USP32: variants seen among roughly 807,000 people sequenced by gnomAD.
The protein encoded by USP32 is ubiquitin carboxyl-terminal hydrolase 32.
Under a neutral mutation model 204.8 loss-of-function variants are expected in USP32, and 59 were observed. The observed-to-expected ratio is 0.29, with a 90% confidence interval of 0.23 to 0.36. The LOEUF (loss-of-function observed/expected upper bound fraction) is 0.36. Ranked by LOEUF, USP32 falls within the 10% of genes least tolerant of loss-of-function variation. The pLI is 1.00. For missense variants in USP32, 1,160 were observed against 1,946.4 expected, an observed-to-expected ratio of 0.60 and a Z score of 7.60; for synonymous variants, 517 against 678.4, an observed-to-expected ratio of 0.76 and a Z score of 3.70.
At chr17:60,409,382 G>A (rs2090002096) in intron 1 of USP32, among the ~76,000 whole-genome samples, 1 of 152,146 alleles carries the variant, frequency 6.6e-6, no homozygotes, top group African/African-American at 2.4e-5. Context: ...AAAAACTAGT[G>A]CCACAGTATT....
intron 29 of USP32, among the ~76,000 whole-genome samples, chr17:60,188,807 T>C (rs2084308803): frequency 6.6e-6 from 1 of 152,240 alleles, no homozygotes; most frequent in Non-Finnish European, 1.5e-5. Context: ...GGTATCTCTT[T>C]TGTCTACATG....
intron 18 of USP32, 61 bp from the exon 19 acceptor site, chr17:60,212,159 G>GC: frequency 7.3e-7 from 1 of 1,373,938 alleles, no homozygotes; most frequent in Non-Finnish European, 1.0e-6. Flanking sequence ...CCATTCGATT[G>GC]CTTTTTTTTT....
intron 2 of USP32, among the ~76,000 whole-genome samples, chr17:60,343,195 T>C (rs1373719353): frequency 6.6e-6 from 1 of 152,012 alleles, no homozygotes; most frequent in East Asian, 1.9e-4. Flanking sequence ...TCCCACACAA[T>C]AATAATGGGA....
chr17:60,381,068 C>A (rs1219834042), intron 1 of USP32, among the ~76,000 whole-genome samples: 1 of 152,176 alleles, frequency 6.6e-6, no homozygotes, highest in Non-Finnish European at 1.5e-5. Context: ...CAGATTACTG[C>A]TGCTAGTTGT....
At chr17:60,294,091 A>G (rs577787793) in intron 4 of USP32, among the ~76,000 whole-genome samples, 18 of 152,312 alleles carry the variant, frequency 1.2e-4, no homozygotes, top group Non-Finnish European at 2.4e-4. Flanking sequence ...CCTCTGGTAG[A>G]GTCGGGGTCT....
intron 11 of USP32, among the ~76,000 whole-genome samples, chr17:60,244,316 C>T (rs1192464537): frequency 1.3e-5 from 2 of 151,922 alleles, no homozygotes; most frequent in East Asian, 1.9e-4. Flanking sequence ...CCGTGCCCAG[C>T]CAAGTAGCTA....
intron 11 of USP32, among the ~76,000 whole-genome samples, chr17:60,246,653 C>G (rs2086034948): frequency 6.6e-6 from 1 of 152,136 alleles, no homozygotes; most frequent in Non-Finnish European, 1.5e-5. Context: ...AATTTACATT[C>G]CCATCAATAG....
chr17:60,264,004 A>C (rs2086521678), intron 9 of USP32, among the ~76,000 whole-genome samples: 1 of 152,196 alleles, frequency 6.6e-6, no homozygotes, highest in African/African-American at 2.4e-5. Context: ...AATGTGTCTC[A>C]TACAGGTAAT....
intron 1 of USP32, among the ~76,000 whole-genome samples, chr17:60,386,098 A>G (rs1031078230): frequency 1.2e-4 from 18 of 152,120 alleles, no homozygotes; most frequent in African/African-American, 4.1e-4. Flanking sequence ...AGTTTTTACC[A>G]GGCTTTTGTG....
At chr17:60,394,800 G>A (rs1490184406), upstream of USP32, among the ~76,000 whole-genome samples, 1 of 152,094 alleles carries the variant, frequency 6.6e-6, no homozygotes, top group East Asian at 1.9e-4. Context: ...CTGGAATGCA[G>A]TGGCGCAATC....
At chr17:60,422,005 C>CCACCCAGTACCCAG (rs1358814542) in intron 1 of USP32, 36 of 918,576 alleles carry the variant, frequency 3.9e-5, no homozygotes, top group Non-Finnish European at 4.6e-5. Flanking sequence ...CACACACATC[C>CCACCCAGTACCCAG]CACCCAGTAC....
intron 5 of USP32, among the ~76,000 whole-genome samples, chr17:60,287,217 G>A (rs530939194): frequency 2.0e-5 from 3 of 152,238 alleles, no homozygotes; most frequent in South Asian, 2.1e-4. Flanking sequence ...GCCAGTTAAC[G>A]TTCTTTTCTG....
At position 60,198,295 on chromosome 17, in the gene USP32, G is replaced by T; in HGVS notation, c.3399C>A (p.Leu1133=). The part of the protein sequence containing the change: ...WIQVSRLASP[L]PPQEASNHAQ... ...CATGATTACTAGCTTCCTGAGGTGG[G>T]AGTGGGCTCGCTAACCGGGATACTT... The change falls in exon 27 of 34, where the codon CTC becomes CTA. Residue 1133 remains leucine (L), a synonymous_variant. Transcript: ENST00000300896. 1 of 1,614,184 alleles carries T rather than the reference G, an allele frequency of 6.2e-7. No homozygotes were observed. The highest frequency in any genetic ancestry group is 1.1e-5 in the South Asian group (1 of 91,078).
At chr17:60,419,340 A>G (rs1056898447) in intron 1 of USP32, among the ~76,000 whole-genome samples, 2 of 152,200 alleles carry the variant, frequency 1.3e-5, no homozygotes, top group African/African-American at 4.8e-5. Context: ...GTAGAGGGGA[A>G]CAACACACAC....
intron 1 of USP32, among the ~76,000 whole-genome samples, chr17:60,391,252 G>C (rs1360118392): frequency 1.3e-5 from 2 of 152,216 alleles, no homozygotes; most frequent in African/African-American, 4.8e-5. Flanking sequence ...GCCAACGCCA[G>C]CTGTCCAGTC....
At chr17:60,291,614 GA>G (rs1190728557) in intron 4 of USP32, among the ~76,000 whole-genome samples, 1 of 151,808 alleles carries the variant, frequency 6.6e-6, no homozygotes, top group Non-Finnish European at 1.5e-5. Flanking sequence ...TTGAAGGTCT[GA>G]ATTAACCTAT....
At chr17:60,300,291 GA>G (rs1305056444) in intron 3 of USP32, among the ~76,000 whole-genome samples, 2 of 152,120 alleles carry the variant, frequency 1.3e-5, no homozygotes, top group East Asian at 3.8e-4. Context: ...GGAGTTCAAA[GA>G]AAAGAATGAG....
chr17:60,346,949 G>T (rs1041629448), intron 1 of USP32, among the ~76,000 whole-genome samples: 4 of 152,182 alleles, frequency 2.6e-5, no homozygotes, highest in Non-Finnish European at 5.9e-5. Context: ...CAGAGACTCT[G>T]TCCTGTCATA....
chr17:60,306,069 C>G lies in USP32; in HGVS notation c.187-4365G>C, dbSNP rs185759017. Among the ~76,000 whole-genome samples the G allele has an allele frequency of 2.2e-3, 332 of 151,224 alleles. 4 individuals are homozygous for G. The highest frequency in any genetic ancestry group is 7.7e-3 in the African/African-American group (313 of 40,812). On this transcript the variant is annotated intron_variant, in intron 2 of 33. Transcript: ENST00000300896. ...CTAACACCTCTAATGTCTAAGTACC[C>G]TTTTTTCACTCAAAAAGAAAAAAAA...
Sources: allele counts gnomAD v4.1 joint callset (sites outside exome capture counted in the v4.1 genomes callset), GRCh38; gene constraint gnomAD v4.1.1; transcripts MANE v1.5; gene names NCBI Gene and HGNC (gene_info 2026-07-23, HGNC 2026-07-21).